The following ATXN7 variants were observed in gnomAD, a reference collection of about 807,000 sequenced individuals.
The protein encoded by ATXN7 is ataxin-7.
Under a neutral mutation model 70.5 loss-of-function variants are expected in ATXN7, and 12 were observed. That is an observed-to-expected ratio of 0.17 (90% CI 0.11 to 0.28). The LOEUF (loss-of-function observed/expected upper bound fraction) is 0.28. Among genes scored for constraint, ATXN7 ranks in the 10% least tolerant of loss-of-function variants. The pLI, the probability that ATXN7 is intolerant of heterozygous loss-of-function variation, is 1.00. For synonymous variants in ATXN7, 498 were observed against 448.7 expected (o/e 1.11, Z -1.39); for missense variants, 1,256 against 1,131.7 (o/e 1.11, Z -1.58).
At chr3:63,912,161 G>C (rs577595504) in intron 2 of ATXN7, 1 of 152,214 alleles carries the variant, frequency 6.6e-6, no homozygotes, top group African/African-American at 2.4e-5. Context: ...GGCCGGGCCC[G>C]GGGATGCAAG....
intron 4 of ATXN7, among the ~76,000 whole-genome samples, chr3:63,917,110 G>A (rs1158605340): frequency 2.0e-5 from 3 of 151,972 alleles, no homozygotes; most frequent in African/African-American, 4.8e-5. Context: ...AGTAGAGACG[G>A]GGTTTCACCA....
At chr3:63,888,631 C>T (rs1703160058) in intron 1 of ATXN7, among the ~76,000 whole-genome samples, 1 of 152,140 alleles carries the variant, frequency 6.6e-6, no homozygotes, top group South Asian at 2.1e-4. Context: ...ACAAAAATAG[C>T]TGGGGGTGGT....
At chr3:63,912,079 C>T (rs909186184) in intron 2 of ATXN7, 5 of 152,254 alleles carry the variant, frequency 3.3e-5, no homozygotes, top group Admixed American at 6.5e-5. Flanking sequence ...GGAGGCGTCT[C>T]CGCTTAAGGG....
chr3:63,987,872 A>G (rs2075604513), intron 8 of ATXN7, among the ~76,000 whole-genome samples, 187 bp from the exon 9 acceptor site: 1 of 152,102 alleles, frequency 6.6e-6, no homozygotes, highest in Non-Finnish European at 1.5e-5. Context: ...CCTAGAACGT[A>G]TGCTTCTAGT....
intron 1 of ATXN7, among the ~76,000 whole-genome samples, chr3:63,892,409 CA>C (rs1413177072): frequency 5.3e-4 from 64 of 121,336 alleles, no homozygotes; most frequent in South Asian, 1.1e-3. Context: ...CACACACACA[CA>C]CCCGCCAACT....
chr3:63,969,203 G>T (rs906876066), intron 5 of ATXN7, among the ~76,000 whole-genome samples: 1 of 152,072 alleles, frequency 6.6e-6, no homozygotes, highest in Non-Finnish European at 1.5e-5. Context: ...GTATAATGAA[G>T]GAATCTGTAA....
rs2075857001 is a variant in ATXN7, at chr3:64,003,430, TAAATA to T, written c.*3970_*3974del. 6.6e-6 allele frequency: 1 copy of T among 152,168 alleles called. No individual in the cohort carries two copies. The highest frequency in any genetic ancestry group is 6.5e-5 in the Admixed American group (1 of 15,276). The allele number at this position is 152,168 out of a possible 1,614,324, so 9.4% of individuals were successfully genotyped here. A position where few individuals can be genotyped will look rare whatever the true frequency, so the allele number is the denominator to read the frequency against. On this transcript the variant is annotated 3_prime_UTR_variant, in exon 13 of 13. Transcript: ENST00000674280. The stretch of plus-strand genomic sequence containing the variant: ...CTATTTGTTTTGTAACAAGTTTCTG[TAAATA>T]AAATAATTTATACTATTTATAAGAA...
At chr3:63,923,942 T>G (rs1559633703) in intron 4 of ATXN7, among the ~76,000 whole-genome samples, 3 of 152,008 alleles carry the variant, frequency 2.0e-5, no homozygotes, top group Non-Finnish European at 4.4e-5. Flanking sequence ...TAATGAAAGT[T>G]GGGGGGATAG....
At chr3:63,979,614 G>T (rs1403196256) in intron 5 of ATXN7, among the ~76,000 whole-genome samples, 1 of 152,088 alleles carries the variant, frequency 6.6e-6, no homozygotes, top group Non-Finnish European at 1.5e-5. Flanking sequence ...TTCATTTTTA[G>T]CACGCAAAAC....
chr3:63,923,067 G>T (rs376217021), intron 4 of ATXN7, among the ~76,000 whole-genome samples: 1 of 152,150 alleles, frequency 6.6e-6, no homozygotes, highest in East Asian at 1.9e-4. Flanking sequence ...GTTTCAGACC[G>T]TGTCCTTTAG....
chr3:63,969,558 T>C (rs2075279407), intron 5 of ATXN7, among the ~76,000 whole-genome samples: 1 of 152,168 alleles, frequency 6.6e-6, no homozygotes, highest in East Asian at 1.9e-4. Flanking sequence ...TTCTCTCTCT[T>C]TTTATGTTTT....
At chr3:63,913,294 C>G in intron 4 of ATXN7, 69 bp downstream of exon 4, 1 of 1,473,786 alleles carries the variant, frequency 6.8e-7, no homozygotes, top group South Asian at 1.2e-5. Context: ...TCACTGGGAC[C>G]GGGAACATCA....
At position 63,988,311 on chromosome 3, in the gene ATXN7, C is replaced by A; in HGVS notation, c.1348C>A (p.Pro450Thr). ...FVASKPKPHT[P>T]SLPRPPGCPA... ...AGCTAGTAAACCTAAACCTCACACC[C>A]CCAGTCTTCCAAGGTAAGCCAGGCC... The change falls in exon 9 of 13, where the codon CCC (proline) becomes ACC (threonine). Residue 450 changes from proline (P) to threonine (T), a missense_variant. By Grantham distance (38) the Pro-to-Thr change is conservative. Transcript: ENST00000674280. 6.2e-7 allele frequency: 1 copy of A among 1,614,062 alleles called. No individual in the cohort carries two copies. The highest frequency in any genetic ancestry group is 8.5e-7 in the Non-Finnish European group (1 of 1,180,006).
chr3:63,981,163 C>T (rs567230386), intron 6 of ATXN7, among the ~76,000 whole-genome samples: 1 of 152,272 alleles, frequency 6.6e-6, no homozygotes, highest in African/African-American at 2.4e-5. Context: ...AGGACCTTGC[C>T]AGCTGGGAGA....
At chr3:63,907,164 T>C (rs1448327653) in intron 2 of ATXN7, among the ~76,000 whole-genome samples, 1 of 152,232 alleles carries the variant, frequency 6.6e-6, no homozygotes, top group Admixed American at 6.5e-5. Context: ...ACTCATTTTA[T>C]AGATGTAGAA....
intron 1 of ATXN7, among the ~76,000 whole-genome samples, chr3:63,878,082 G>C (rs1360565741): frequency 6.6e-5 from 10 of 152,218 alleles, no homozygotes; most frequent in Admixed American, 1.3e-4. Flanking sequence ...AAGGATGGCA[G>C]GCAGGTGGCT....
chr3:63,995,466 T>A (rs1400381513), intron 11 of ATXN7, 39 bp from the exon 12 acceptor site: 12 of 1,607,794 alleles, frequency 7.5e-6, no homozygotes, highest in Non-Finnish European at 1.0e-5. Context: ...TGTGAATGGC[T>A]GTGGTCAGTG....
rs200143005 is a variant in ATXN7, at chr3:63,970,408, C to CA, written c.500-9498dup. ...GTAAGACAAGCTGTTTTTTGAAAGACAAAAAAAAAGGGTGTTATACTCATA... is the reference window on the plus strand; with the variant it reads ...GTAAGACAAGCTGTTTTTTGAAAGACAAAAAAAAAAGGGTGTTATACTCATA... On this transcript the variant is annotated intron_variant, in intron 5 of 12. Transcript: ENST00000674280. Among the ~76,000 whole-genome samples, 417 of 148,782 alleles carry CA rather than the reference C, an allele frequency of 2.8e-3. 2 individuals carry two copies. The highest frequency in any genetic ancestry group is 9.6e-3 in the African/African-American group (387 of 40,520).
At chr3:63,863,791 G>A (rs889056554), upstream of ATXN7, 5 of 1,249,686 alleles carry the variant, frequency 4.0e-6, no homozygotes, top group Non-Finnish European at 5.0e-6. Flanking sequence ...CGGCTCCCAT[G>A]GCGTGCGCGG....
Sources: gnomAD v4.1 joint callset for allele counts (sites outside exome capture counted in the v4.1 genomes callset) on GRCh38, gnomAD v4.1.1 for gene constraint, MANE v1.5 for transcripts, NCBI Gene and HGNC (gene_info 2026-07-23, HGNC 2026-07-21) for gene names.